KRTAP10-8: variants seen among roughly 807,000 people sequenced by gnomAD.
The protein encoded by KRTAP10-8 is keratin associated protein 10-8.
For synonymous variants in KRTAP10-8, 153 were observed against 139.5 expected (o/e 1.10, Z -0.68); for missense variants, 323 against 329.3 (o/e 0.98, Z 0.15).
At position 44,612,831 on chromosome 21, in the gene KRTAP10-8, C is replaced by T. The variant is rs1555931533; in HGVS notation, c.731C>T (p.Ser244Phe). The T allele has an allele frequency of 1.2e-6, 2 of 1,612,900 alleles. No individual in the cohort carries two copies. Among genetic ancestry groups the T allele is most frequent in the Non-Finnish European group, 1.7e-6 (2 of 1,179,798 alleles). ...SCQPSCCHPA[S>F]CLSFLCRPAC... is the part of the protein sequence containing the mutation. ...CAGCCCAGCTGCTGCCACCCGGCCT[C>T]CTGCCTGTCCTTCCTCTGCCGCCCC... is the stretch of plus-strand genomic sequence containing the variant. Residue 244 changes from serine to phenylalanine, a missense_variant, in exon 1 of 1, where the codon TCC becomes TTC. Coordinates refer to ENST00000334662, the MANE Select transcript of KRTAP10-8 (RefSeq NM_198695.2). This position sits in a 1 kb window ranked among gnomAD's most constrained non-coding sequence, Gnocchi z 4.1.
At position 44,612,386 on chromosome 21, in the gene KRTAP10-8, C is replaced by A; in HGVS notation, c.286C>A (p.Pro96Thr). The change falls in exon 1 of 1, where the codon CCT (proline) becomes ACT (threonine). Residue 96 changes from proline (P) to threonine (T), a missense_variant. Pro to Thr is a conservative substitution (Grantham distance 38). Coordinates refer to ENST00000334662, the MANE Select transcript of KRTAP10-8 (RefSeq NM_198695.2). This position sits in a 1 kb window ranked among gnomAD's most constrained non-coding sequence, Gnocchi z 4.1. ...CQSGCTDSCT[P>T]SCCQQSSCQP... The stretch of plus-strand genomic sequence containing the variant: ...ATCAGGCTGCACCGACTCCTGCACA[C>A]CTTCATGCTGCCAGCAGTCTAGCTG... 6.2e-7 allele frequency: 1 copy of A among 1,614,118 alleles called. No individual in the cohort carries two copies. The highest frequency in any genetic ancestry group is 1.1e-5 in the South Asian group (1 of 91,086).
Position 44,612,876 on chromosome 21 carries a change from G to C in KRTAP10-8, c.776G>C (p.Cys259Ser). Residue 259 changes from cysteine to serine, a missense_variant, in exon 1 of 1, where the codon TGC (cysteine) becomes TCC (serine). By Grantham distance (112) the Cys-to-Ser change is moderately radical (BLOSUM62 -1). Coordinates refer to ENST00000334662, the MANE Select transcript of KRTAP10-8 (RefSeq NM_198695.2). This position sits in a 1 kb window ranked among gnomAD's most constrained non-coding sequence, Gnocchi z 4.1. Reference protein sequence around the residue: ...LCRPACSRLAC With the variant: ...LCRPACSRLAS ...CGCCCCGCGTGCTCCCGCCTGGCCT[G>C]CTGAGGCCTCTGCTCAGGCCAGGAG... 5.0e-6 allele frequency: 8 copies of C among 1,611,204 alleles called. No individual in the cohort carries two copies. Among genetic ancestry groups the C allele is most frequent in the Non-Finnish European group, 6.8e-6 (8 of 1,179,628 alleles).
rs1555931154 is a variant in KRTAP10-8 at position 44,612,219 on chromosome 21, C to T, written c.119C>T (p.Ser40Phe). The T allele has an allele frequency of 1.9e-6, 3 of 1,613,844 alleles. No individual in the cohort carries two copies. The highest frequency in any genetic ancestry group is 1.3e-5 in the African/African-American group (1 of 74,918). ...VSSPSTCTGSSWQVDNCQESC... is the reference protein window; with the variant it reads ...VSSPSTCTGSFWQVDNCQESC... ...TCCCCCAGCACCTGCACTGGCTCCT[C>T]CTGGCAGGTGGACAATTGCCAGGAA... Residue 40 changes from serine (S) to phenylalanine (F), a missense_variant, in exon 1 of 1, where the codon TCC (serine) becomes TTC (phenylalanine). Physicochemically the swap from Ser to Phe is radical, Grantham distance 155. Transcript: ENST00000334662. The surrounding 1 kb of genome is among the most constrained non-coding windows in gnomAD (Gnocchi z 4.1).
At position 44,612,402 on chromosome 21, in the gene KRTAP10-8, A is replaced by G. The variant is rs1481108116; in HGVS notation, c.302A>G (p.Gln101Arg). 6.2e-7 allele frequency: 1 copy of G among 1,614,002 alleles called. No individual in the cohort carries two copies. The highest frequency in any genetic ancestry group is 1.7e-5 in the Admixed American group (1 of 60,012). Reference protein sequence around the residue: ...TDSCTPSCCQQSSCQPACCTS... With the variant: ...TDSCTPSCCQRSSCQPACCTS... ...TCCTGCACACCTTCATGCTGCCAGCAGTCTAGCTGCCAGCCGGCTTGCTGC... is the reference window on the plus strand; with the variant it reads ...TCCTGCACACCTTCATGCTGCCAGCGGTCTAGCTGCCAGCCGGCTTGCTGC... Residue 101 changes from glutamine to arginine, a missense_variant, in exon 1 of 1, where the codon CAG (glutamine) becomes CGG (arginine). Physicochemically the swap from Gln to Arg is conservative, Grantham distance 43. Coordinates refer to ENST00000334662, the MANE Select transcript of KRTAP10-8 (RefSeq NM_198695.2). This position sits in a 1 kb window ranked among gnomAD's most constrained non-coding sequence, Gnocchi z 4.1.
the KRTAP10-8 span, chr21:44,612,850 C>A: frequency 6.2e-7 from 1 of 1,612,544 alleles, no homozygotes; most frequent in Admixed American, 1.7e-5. This position sits in a 1 kb window ranked among gnomAD's most constrained non-coding sequence, Gnocchi z 4.1. Flanking sequence ...CCTTCCTCTG[C>A]CGCCCCGCGT....
At position 44,612,901 on chromosome 21, in the gene KRTAP10-8, G is replaced by C; in HGVS notation, c.*21G>C. 6.2e-7 allele frequency: 1 copy of C among 1,607,512 alleles called. No homozygotes were observed. Among genetic ancestry groups the C allele is most frequent in the Non-Finnish European group, 8.5e-7 (1 of 1,177,994 alleles). Reference sequence around the variant, plus strand: ...GCTGAGGCCTCTGCTCAGGCCAGGAGTCCAGCTGCTGATGGGCACGTCCCC... The same window carrying C: ...GCTGAGGCCTCTGCTCAGGCCAGGACTCCAGCTGCTGATGGGCACGTCCCC... On this transcript the variant is annotated 3_prime_UTR_variant, in exon 1 of 1. Transcript: ENST00000334662. The surrounding 1 kb of genome is among the most constrained non-coding windows in gnomAD (Gnocchi z 4.1).
rs1368930481 is a variant in KRTAP10-8, at chr21:44,612,213, G to A, written c.113G>A (p.Gly38Asp). 6.2e-7 allele frequency: 1 copy of A among 1,613,702 alleles called. No homozygotes were observed. The highest frequency in any genetic ancestry group is 1.3e-5 in the African/African-American group (1 of 74,884). Residue 38 changes from glycine to aspartate, a missense_variant, in exon 1 of 1, where the codon GGC becomes GAC. Physicochemically the swap from Gly to Asp is moderately conservative, Grantham distance 94 (BLOSUM62 -1). Coordinates refer to ENST00000334662, the MANE Select transcript of KRTAP10-8 (RefSeq NM_198695.2). The surrounding 1 kb of genome is among the most constrained non-coding windows in gnomAD (Gnocchi z 4.1). ...SRVSSPSTCT[G>D]SSWQVDNCQE... ...GTCTCCTCCCCCAGCACCTGCACTG[G>A]CTCCTCCTGGCAGGTGGACAATTGC...
At position 44,612,096 on chromosome 21, in the gene KRTAP10-8, C is replaced by A; in HGVS notation, c.-5C>A. On this transcript the variant is annotated 5_prime_UTR_variant, in exon 1 of 1. Transcript: ENST00000334662. The surrounding 1 kb of genome is among the most constrained non-coding windows in gnomAD (Gnocchi z 4.1). Reference sequence around the variant, plus strand: ...GCACTCACACCACCCAGTCCAGCACCCACCATGGCTGACGCCTGCTGCACC... The same window carrying A: ...GCACTCACACCACCCAGTCCAGCACACACCATGGCTGACGCCTGCTGCACC... 6.2e-7 allele frequency: 1 copy of A among 1,612,186 alleles called. No homozygotes were observed. Among genetic ancestry groups the A allele is most frequent in the Non-Finnish European group, 8.5e-7 (1 of 1,178,902 alleles).
chr21:44,612,248 T>C lies in KRTAP10-8; in HGVS notation c.148T>C (p.Cys50Arg). The change falls in exon 1 of 1, where the codon TGC (cysteine) becomes CGC (arginine). Residue 50 changes from cysteine to arginine, a missense_variant. Coordinates refer to ENST00000334662, the MANE Select transcript of KRTAP10-8 (RefSeq NM_198695.2). The surrounding 1 kb of genome is among the most constrained non-coding windows in gnomAD (Gnocchi z 4.1). ...GCAGGTGGACAATTGCCAGGAAAGCTGCTGCGAGCCCCGCTCCTGTGCCTC... is the reference window on the plus strand; with the variant it reads ...GCAGGTGGACAATTGCCAGGAAAGCCGCTGCGAGCCCCGCTCCTGTGCCTC... ...SWQVDNCQES[C>R]CEPRSCASSC... The C allele has an allele frequency of 1.2e-6, 2 of 1,613,676 alleles. No individual in the cohort carries two copies. Among genetic ancestry groups the C allele is most frequent in the South Asian group, 2.2e-5 (2 of 91,078 alleles).
In KRTAP10-8 at chr21:44,612,808, G is replaced by A. The variant is rs144361217; in HGVS notation, c.708G>A (p.Gln236=). Residue 236 remains glutamine (Q), a synonymous_variant, in exon 1 of 1, where the codon CAG becomes CAA. Coordinates refer to ENST00000334662, the MANE Select transcript of KRTAP10-8 (RefSeq NM_198695.2). This position sits in a 1 kb window ranked among gnomAD's most constrained non-coding sequence, Gnocchi z 4.1. The stretch of plus-strand genomic sequence containing the variant: ...GTTGTGTCCCTGCCTCCTCCTGCCA[G>A]CCCAGCTGCTGCCACCCGGCCTCCT... ...PSCCVPASSC[Q]PSCCHPASCL... 26 of 1,612,966 alleles carry A rather than the reference G, an allele frequency of 1.6e-5. No homozygotes were observed. Among genetic ancestry groups the A allele is most frequent in the Middle Eastern group, 3.4e-4 (2 of 5,818 alleles).
In KRTAP10-8 at chr21:44,612,809, C is replaced by G. The variant is rs373214776; in HGVS notation, c.709C>G (p.Pro237Ala). 2.5e-6 allele frequency: 4 copies of G among 1,613,366 alleles called. No homozygotes were observed. The highest frequency in any genetic ancestry group is 1.7e-5 in the Admixed American group (1 of 59,994). The change falls in exon 1 of 1, where the codon CCC becomes GCC. Residue 237 changes from proline to alanine, a missense_variant. Coordinates refer to ENST00000334662, the MANE Select transcript of KRTAP10-8 (RefSeq NM_198695.2). This position sits in a 1 kb window ranked among gnomAD's most constrained non-coding sequence, Gnocchi z 4.1. ...SCCVPASSCQ[P>A]SCCHPASCLS... The stretch of plus-strand genomic sequence containing the variant: ...TTGTGTCCCTGCCTCCTCCTGCCAG[C>G]CCAGCTGCTGCCACCCGGCCTCCTG...
chr21:44,612,777 C>T lies in KRTAP10-8; in HGVS notation c.677C>T (p.Pro226Leu). Residue 226 changes from proline (P) to leucine (L), a missense_variant, in exon 1 of 1, where the codon CCC (proline) becomes CTC (leucine). Pro to Leu is a moderately conservative substitution (Grantham distance 98). Transcript: ENST00000334662. This position sits in a 1 kb window ranked among gnomAD's most constrained non-coding sequence, Gnocchi z 4.1. ...VCRPACCVPV[P>L]SCCVPASSCQ... ...CGGCCTGCCTGCTGTGTGCCTGTCCCCTCCTGTTGTGTCCCTGCCTCCTCC... is the reference window on the plus strand; with the variant it reads ...CGGCCTGCCTGCTGTGTGCCTGTCCTCTCCTGTTGTGTCCCTGCCTCCTCC... The T allele has an allele frequency of 1.2e-6, 2 of 1,613,698 alleles. No homozygotes were observed. The highest frequency in any genetic ancestry group is 1.7e-6 in the Non-Finnish European group (2 of 1,179,962).
chr21:44,612,304 A>C lies in KRTAP10-8; in HGVS notation c.204A>C (p.Pro68=), dbSNP rs781967455. ...SSCCTPSCCA[P]APCLALVCAP... is the part of the protein sequence containing the mutation. ...GCTGTACCCCTAGCTGCTGTGCCCC[A>C]GCCCCCTGCCTGGCCCTGGTCTGTG... Residue 68 remains proline, a synonymous_variant, in exon 1 of 1, where the codon CCA becomes CCC. Transcript: ENST00000334662. This position sits in a 1 kb window ranked among gnomAD's most constrained non-coding sequence, Gnocchi z 4.1. The C allele has an allele frequency of 6.2e-7, 1 of 1,613,480 alleles. No individual in the cohort carries two copies. The highest frequency in any genetic ancestry group is 1.7e-5 in the Admixed American group (1 of 60,006).
Position 44,612,251 on chromosome 21 carries a change from T to C in KRTAP10-8, c.151T>C (p.Cys51Arg), listed in dbSNP as rs782749880. Reference protein sequence around the residue: ...WQVDNCQESCCEPRSCASSCC... With the variant: ...WQVDNCQESCREPRSCASSCC... ...GGTGGACAATTGCCAGGAAAGCTGC[T>C]GCGAGCCCCGCTCCTGTGCCTCCAG... Residue 51 changes from cysteine to arginine, a missense_variant, in exon 1 of 1, where the codon TGC becomes CGC. Coordinates refer to ENST00000334662, the MANE Select transcript of KRTAP10-8 (RefSeq NM_198695.2). This position sits in a 1 kb window ranked among gnomAD's most constrained non-coding sequence, Gnocchi z 4.1. 4 of 1,613,672 alleles carry C rather than the reference T, an allele frequency of 2.5e-6. No homozygotes were observed. The highest frequency in any genetic ancestry group is 3.4e-6 in the Non-Finnish European group (4 of 1,179,996).
At position 44,612,637 on chromosome 21, in the gene KRTAP10-8, C is replaced by G; in HGVS notation, c.537C>G (p.Val179=). ...ICCKPICCVP[V]CSGASSLCCQ... is the part of the protein sequence containing the mutation. ...GCAAGCCCATCTGCTGTGTGCCTGT[C>G]TGCTCTGGGGCTTCCTCTCTGTGCT... Residue 179 remains valine, a synonymous_variant, in exon 1 of 1, where the codon GTC becomes GTG. Transcript: ENST00000334662. This position sits in a 1 kb window ranked among gnomAD's most constrained non-coding sequence, Gnocchi z 4.1. 6.2e-7 allele frequency: 1 copy of G among 1,614,176 alleles called. No homozygotes were observed. The highest frequency in any genetic ancestry group is 8.5e-7 in the Non-Finnish European group (1 of 1,180,028).
In KRTAP10-8 at chr21:44,612,264, C is replaced by T. The variant is rs1981734723; in HGVS notation, c.164C>T (p.Ser55Phe). Residue 55 changes from serine to phenylalanine, a missense_variant, in exon 1 of 1, where the codon TCC (serine) becomes TTC (phenylalanine). Coordinates refer to ENST00000334662, the MANE Select transcript of KRTAP10-8 (RefSeq NM_198695.2). The surrounding 1 kb of genome is among the most constrained non-coding windows in gnomAD (Gnocchi z 4.1). ...NCQESCCEPR[S>F]CASSCCTPSC... ...CAGGAAAGCTGCTGCGAGCCCCGCT[C>T]CTGTGCCTCCAGCTGCTGTACCCCT... The T allele has an allele frequency of 6.2e-7, 1 of 1,613,634 alleles. No individual in the cohort carries two copies. Among genetic ancestry groups the T allele is most frequent in the Non-Finnish European group, 8.5e-7 (1 of 1,180,000 alleles).
Position 44,612,740 on chromosome 21 carries a change from C to T in KRTAP10-8, c.640C>T (p.Arg214Cys), listed in dbSNP as rs868978411. 47 of 1,613,788 alleles carry T rather than the reference C, an allele frequency of 2.9e-5. 1 individual carries two copies. Among genetic ancestry groups the T allele is most frequent in the South Asian group, 9.9e-5 (9 of 91,062 alleles). ...CTCCTCCTCCGTGTCCCTCCTCTGCCGCCCTGTGTGCCGGCCTGCCTGCTG... is the reference window on the plus strand; with the variant it reads ...CTCCTCCTCCGTGTCCCTCCTCTGCTGCCCTGTGTGCCGGCCTGCCTGCTG... ...RPSSSVSLLC[R>C]PVCRPACCVP... The change falls in exon 1 of 1, where the codon CGC becomes TGC. Residue 214 changes from arginine to cysteine, a missense_variant. Coordinates refer to ENST00000334662, the MANE Select transcript of KRTAP10-8 (RefSeq NM_198695.2). The surrounding 1 kb of genome is among the most constrained non-coding windows in gnomAD (Gnocchi z 4.1).
In KRTAP10-8 at chr21:44,612,940, C is replaced by T; in HGVS notation, c.*60C>T. 6.3e-7 allele frequency: 1 copy of T among 1,590,222 alleles called. No individual in the cohort carries two copies. The highest frequency in any genetic ancestry group is 1.7e-5 in the Admixed American group (1 of 59,546). On this transcript the variant is annotated 3_prime_UTR_variant, in exon 1 of 1. Transcript: ENST00000334662. This position sits in a 1 kb window ranked among gnomAD's most constrained non-coding sequence, Gnocchi z 4.1. ...GGGCACGTCCCCCAGGGCCAGCCGG[C>T]TCCGGTCCTGTCCTGGGTTAAGTGG...
chr21:44,612,417 C>G lies in KRTAP10-8; in HGVS notation c.317C>G (p.Pro106Arg), dbSNP rs141295608. ...PSCCQQSSCQ[P>R]ACCTSSPCQQ... Reference sequence around the variant, plus strand: ...TGCTGCCAGCAGTCTAGCTGCCAGCCGGCTTGCTGCACCTCCTCCCCCTGC... The same window carrying G: ...TGCTGCCAGCAGTCTAGCTGCCAGCGGGCTTGCTGCACCTCCTCCCCCTGC... The change falls in exon 1 of 1, where the codon CCG becomes CGG. Residue 106 changes from proline to arginine, a missense_variant. Physicochemically the swap from Pro to Arg is moderately radical, Grantham distance 103 (BLOSUM62 -2). Coordinates refer to ENST00000334662, the MANE Select transcript of KRTAP10-8 (RefSeq NM_198695.2). This position sits in a 1 kb window ranked among gnomAD's most constrained non-coding sequence, Gnocchi z 4.1. 6.8e-6 allele frequency: 11 copies of G among 1,613,998 alleles called. No homozygotes were observed. The South Asian group carries it at 1.2e-4, about 18-fold the overall frequency.
Sources: gnomAD v4.1 joint callset for allele counts on GRCh38, gnomAD v4.1.1 for gene constraint, Gnocchi (gnomAD v3.1) non-coding constraint, MANE v1.5 for transcripts, NCBI Gene and HGNC (gene_info 2026-07-23, HGNC 2026-07-21) for gene names.